PTPRM: variants seen among roughly 807,000 people sequenced by gnomAD.
The protein encoded by PTPRM is receptor-type tyrosine-protein phosphatase mu.
In PTPRM, 47 loss-of-function variants were observed where a neutral mutation model predicts 186.7. The observed-to-expected ratio is 0.25, with a 90% CI of 0.20 to 0.32. PTPRM has a LOEUF of 0.32. Ranked by LOEUF, PTPRM falls within the 10% of genes least tolerant of loss-of-function variation. PTPRM has a pLI of 1.00. For missense variants in PTPRM, 1,494 were observed against 1,865.0 expected (o/e 0.80, Z 3.66); for synonymous variants, 668 against 674.9 (o/e 0.99, Z 0.16).
At chr18:8,375,958 A>G in intron 24 of PTPRM, 88 bp from the exon 25 acceptor site, 1 of 1,393,762 alleles carries the variant, frequency 7.2e-7, no homozygotes, top group South Asian at 1.3e-5. Flanking sequence ...CTACCTGGGG[A>G]CTGTTTCCAC....
intron 20 of PTPRM, among the ~76,000 whole-genome samples, chr18:8,300,823 C>CT (rs1430268427): frequency 6.6e-6 from 1 of 152,142 alleles, no homozygotes; most frequent in African/African-American, 2.4e-5. Flanking sequence ...GTCCAGCCTC[C>CT]TAATCTTCCT....
intron 14 of PTPRM, among the ~76,000 whole-genome samples, chr18:8,192,431 T>C (rs1441099301): frequency 6.6e-6 from 1 of 152,100 alleles, no homozygotes; most frequent in African/African-American, 2.4e-5. Context: ...TATGCCAAAA[T>C]CAAGGTTGTA....
At chr18:8,328,299 T>C (rs919528202) in intron 22 of PTPRM, among the ~76,000 whole-genome samples, 1 of 152,250 alleles carries the variant, frequency 6.6e-6, no homozygotes, top group Non-Finnish European at 1.5e-5. Flanking sequence ...CTGCACACTC[T>C]GTAAAGCAGC....
chr18:8,131,963 A>G (rs1383069301), intron 13 of PTPRM, among the ~76,000 whole-genome samples: 3 of 152,238 alleles, frequency 2.0e-5, no homozygotes, highest in South Asian at 2.1e-4. Context: ...TATCCAAGCA[A>G]TGCATCACTT....
chr18:8,204,076 G>T (rs895650351), intron 14 of PTPRM, among the ~76,000 whole-genome samples: 3 of 152,104 alleles, frequency 2.0e-5, no homozygotes, highest in African/African-American at 7.2e-5. Flanking sequence ...ATAAACCCAA[G>T]AAATTCAAAT....
intron 7 of PTPRM, among the ~76,000 whole-genome samples, chr18:8,003,219 A>C (rs1260228638): frequency 1.3e-5 from 2 of 152,122 alleles, no homozygotes; most frequent in East Asian, 3.9e-4. Context: ...GGTAGTGAAT[A>C]AGTCTCATGA....
At chr18:7,689,195 C>T (rs571860934) in intron 1 of PTPRM, among the ~76,000 whole-genome samples, 9 of 152,150 alleles carry the variant, frequency 5.9e-5, no homozygotes, top group Admixed American at 1.3e-4. Context: ...TCCTGGTTGA[C>T]GAGATTTTAA....
chr18:8,101,450 T>A (rs908660073), intron 11 of PTPRM, among the ~76,000 whole-genome samples: 1 of 152,184 alleles, frequency 6.6e-6, no homozygotes, highest in East Asian at 1.9e-4. Flanking sequence ...GGTCCTAGCA[T>A]TGTATTCCTG....
chr18:8,280,454 T>C (rs1387428597), intron 19 of PTPRM, among the ~76,000 whole-genome samples: 2 of 151,666 alleles, frequency 1.3e-5, no homozygotes, highest in Non-Finnish European at 2.9e-5. Flanking sequence ...AGAAATCATA[T>C]TCTTTGTTCA....
intron 22 of PTPRM, among the ~76,000 whole-genome samples, chr18:8,339,723 A>G (rs73382251): frequency 0.014 from 2,180 of 151,216 alleles, 65 homozygotes; most frequent in African/African-American, 0.049. Context: ...TGGACTTGTG[A>G]TGTTGGCTCA....
chr18:7,855,561 C>T (rs571308383), intron 2 of PTPRM, among the ~76,000 whole-genome samples: 36 of 152,352 alleles, frequency 2.4e-4, no homozygotes, highest in Non-Finnish European at 4.4e-4. Flanking sequence ...CCACCCTCTA[C>T]TAAATCTTAA....
At chr18:7,676,836 T>G (rs755129090) in intron 1 of PTPRM, among the ~76,000 whole-genome samples, 1 of 152,224 alleles carries the variant, frequency 6.6e-6, no homozygotes, top group Non-Finnish European at 1.5e-5. Context: ...GTTTTTTAAG[T>G]TCTGTGAATA....
intron 4 of PTPRM, among the ~76,000 whole-genome samples, chr18:7,926,126 G>A (rs2051159269): frequency 6.6e-6 from 1 of 152,172 alleles, no homozygotes; most frequent in African/African-American, 2.4e-5. Flanking sequence ...GTACAGCTGT[G>A]TACTTGGCTT....
chr18:8,039,583 C>A (rs1199143409), intron 7 of PTPRM, among the ~76,000 whole-genome samples: 1 of 152,020 alleles, frequency 6.6e-6, no homozygotes, highest in Non-Finnish European at 1.5e-5. Context: ...ATAAAACATG[C>A]TTTGAAATGT....
rs1486767460 is a variant in PTPRM, at chr18:7,637,182, A to AAC, written c.73+69292_73+69293insCA. On this transcript the variant is annotated intron_variant, in intron 1 of 32. Coordinates refer to ENST00000580170, the MANE Select transcript of PTPRM (RefSeq NM_001105244.2). ...GACCCTGACTCAAAAAAAAAAAAAA[A>AAC]AAAACAGTGTAATTCATTTGCACAT... Among the ~76,000 whole-genome samples, 125 of 151,986 alleles carry AAC rather than the reference A, an allele frequency of 8.2e-4. 1 individual carries two copies. Among genetic ancestry groups the AAC allele is most frequent in the African/African-American group, 2.9e-3 (120 of 41,408 alleles).
intron 2 of PTPRM, among the ~76,000 whole-genome samples, chr18:7,817,166 G>C (rs1425847925): frequency 6.6e-6 from 1 of 151,924 alleles, no homozygotes; most frequent in Non-Finnish European, 1.5e-5. Context: ...CTAGAAACAG[G>C]GTTTTGCCAT....
intron 7 of PTPRM, among the ~76,000 whole-genome samples, chr18:8,055,470 AAC>A (rs781058318): frequency 1.3e-5 from 2 of 152,280 alleles, no homozygotes; most frequent in Non-Finnish European, 2.9e-5. Flanking sequence ...GTTTTATTTC[AAC>A]AGTGTTTTTA....
chr18:7,793,079 AT>A (rs2043425855), intron 2 of PTPRM, among the ~76,000 whole-genome samples: 1 of 152,220 alleles, frequency 6.6e-6, no homozygotes, highest in African/African-American at 2.4e-5. Context: ...ACATTTGGAT[AT>A]TTCAACTTGG....
intron 11 of PTPRM, among the ~76,000 whole-genome samples, chr18:8,095,179 G>C (rs2090953875): frequency 6.6e-6 from 1 of 152,148 alleles, no homozygotes; most frequent in South Asian, 2.1e-4. Flanking sequence ...GTGTCCTGTA[G>C]TAAGTAGGGA....
Sources: allele counts gnomAD v4.1 joint callset (sites outside exome capture counted in the v4.1 genomes callset), GRCh38; gene constraint gnomAD v4.1.1; transcripts MANE v1.5; gene names NCBI Gene and HGNC (gene_info 2026-07-23, HGNC 2026-07-21).